Variants in ZNF680 observed in about 807,000 individuals in gnomAD.
ZNF680 encodes the protein hypothetical protein FLJ90430.
In ZNF680, 6 loss-of-function variants were observed where a neutral mutation model predicts 12.1. The observed-to-expected ratio is 0.49, with a 90% confidence interval of 0.27 to 0.98. The LOEUF (loss-of-function observed/expected upper bound fraction) is 0.98, where lower values mean the gene tolerates loss of function less well. Ranked by LOEUF, ZNF680 falls within the 50% of genes least tolerant of loss-of-function variation. ZNF680 has a pLI of 0.12. For synonymous variants in ZNF680, 170 were observed against 199.3 expected (o/e 0.85, Z 1.24); for missense variants, 561 against 616.3 (o/e 0.91, Z 0.95).
the ZNF680 span, among the ~76,000 whole-genome samples, chr7:64,513,259 ATG>A: frequency 2.0e-5 from 3 of 152,164 alleles, no homozygotes; most frequent in African/African-American, 2.4e-5. Flanking sequence ...AAGCAGTAAA[ATG>A]TGTTTTTAGT....
chr7:64,544,874 A>C (rs1786700125), intron 1 of ZNF680, among the ~76,000 whole-genome samples: 1 of 152,170 alleles, frequency 6.6e-6, no homozygotes, highest in South Asian at 2.1e-4. Flanking sequence ...TCTGGAATAA[A>C]GTTTGAATTT....
Position 64,521,063 on chromosome 7 carries a change from C to A in ZNF680, c.*98G>T. The A allele has an allele frequency of 1.5e-6, 2 of 1,296,030 alleles. No homozygotes were observed. Among genetic ancestry groups the A allele is most frequent in the Non-Finnish European group, 2.1e-6 (2 of 942,750 alleles). The allele number at this position is 1,296,030 out of a possible 1,614,324, so 80.3% of individuals were successfully genotyped here. A position where few individuals can be genotyped will look rare whatever the true frequency, so the allele number is the denominator to read the frequency against. On this transcript the variant is annotated 3_prime_UTR_variant, in exon 4 of 4. Coordinates refer to ENST00000309683, the MANE Select transcript of ZNF680 (RefSeq NM_178558.5). Reference sequence around the variant, plus strand: ...GTTTTCTCCAATATAAATTATCTTACCTACAAGCAAGTGTAACAATCATTG... The same window carrying A: ...GTTTTCTCCAATATAAATTATCTTAACTACAAGCAAGTGTAACAATCATTG...
chr7:64,524,907 A>G (rs1328815088), intron 3 of ZNF680: 2 of 150,946 alleles, frequency 1.3e-5, no homozygotes, highest in African/African-American at 4.9e-5. Context: ...AAATTAAAAC[A>G]ATACACTCTT....
chr7:64,519,213 G>A (rs547544408), downstream of ZNF680, among the ~76,000 whole-genome samples: 118 of 151,774 alleles, frequency 7.8e-4, 1 homozygote, highest in South Asian at 0.024. Context: ...GAAGATATAC[G>A]AATGGCCAAG....
intron 1 of ZNF680, among the ~76,000 whole-genome samples, 162 bp from the exon 2 acceptor site, chr7:64,544,594 A>G (rs969741460): frequency 1.4e-4 from 21 of 152,214 alleles, no homozygotes; most frequent in African/African-American, 4.8e-4. Flanking sequence ...AATAAATTTC[A>G]ATGCAGAAAT....
chr7:64,514,382 T>C, the ZNF680 span, among the ~76,000 whole-genome samples: 43 of 145,814 alleles, frequency 2.9e-4, no homozygotes, highest in Non-Finnish European at 5.5e-4. Context: ...AATAACCACA[T>C]TTCTTTGTCA....
Position 64,563,022 on chromosome 7 carries a change from T to C in ZNF680, c.-68A>G. The C allele has an allele frequency of 6.3e-7, 1 of 1,583,324 alleles. No homozygotes were observed. The highest frequency in any genetic ancestry group is 2.2e-5 in the East Asian group (1 of 44,488). On this transcript the variant is annotated 5_prime_UTR_variant, in exon 1 of 4. Transcript: ENST00000309683. ...AGAGGCTGGGCCTCTAGGAGCAGAA[T>C]ACACAGAGCAGTAAAGACTAGACCT... is the stretch of plus-strand genomic sequence containing the variant.
At chr7:64,501,096 C>A in the ZNF680 span, 2 of 954,592 alleles carry the variant, frequency 2.1e-6, no homozygotes, top group Non-Finnish European at 3.3e-6. Context: ...CAAAAGTGAA[C>A]GGAGGAAAAG....
chr7:64,500,037 C>T, the ZNF680 span, among the ~76,000 whole-genome samples: 2 of 152,196 alleles, frequency 1.3e-5, 1 homozygote, highest in African/African-American at 4.8e-5. Flanking sequence ...TAAACTCTCC[C>T]ACCCTGAATC....
At chr7:64,535,410 AGAAG>A (rs541571985) in intron 3 of ZNF680, among the ~76,000 whole-genome samples, 3 of 139,156 alleles carry the variant, frequency 2.2e-5, no homozygotes, top group Non-Finnish European at 4.7e-5. Context: ...AAAGAAGGAA[AGAAG>A]GAAGGGAGGG....
At position 64,544,043 on chromosome 7, in the gene ZNF680, A is replaced by G. The variant is rs577602661; in HGVS notation, c.158-241T>C. The stretch of plus-strand genomic sequence containing the variant: ...GCAATTAAATTTTAAGGTGTGGGCA[A>G]CAACATTTTATGCCATCAAATTTCT... On this transcript the variant is annotated intron_variant, in intron 2 of 3. Transcript: ENST00000309683. The G allele has an allele frequency of 2.7e-5, 16 of 601,412 alleles. No homozygotes were observed. In the East Asian group the frequency reaches 5.4e-4, roughly 20 times the overall value. 37.3% of individuals were successfully genotyped at this position (601,412 alleles called of 1,614,324 possible).
Position 64,521,034 on chromosome 7 carries a change from T to TA in ZNF680, c.*126dup, listed in dbSNP as rs1322103939. On this transcript the variant is annotated 3_prime_UTR_variant, in exon 4 of 4. Transcript: ENST00000309683. ...AGTTTTGTCACATTCTTTACACTTA[T>TA]AAAGTTTTCTCCAATATAAATTATC... 3.7e-6 allele frequency: 4 copies of TA among 1,070,012 alleles called. No individual in the cohort carries two copies. Among genetic ancestry groups the TA allele is most frequent in the Admixed American group, 5.3e-5 (2 of 37,464 alleles). The allele number at this position is 1,070,012 out of a possible 1,614,324, so 66.3% of individuals were successfully genotyped here.
In ZNF680 at chr7:64,520,343, G is replaced by A. The variant is rs1407797943; in HGVS notation, c.*818C>T. 2 of 151,674 alleles carry A rather than the reference G, an allele frequency of 1.3e-5. No homozygotes were observed. Among genetic ancestry groups the A allele is most frequent in the South Asian group, 4.2e-4 (2 of 4,816 alleles). The allele number at this position is 151,674 out of a possible 1,614,324, so 9.4% of individuals were successfully genotyped here. On this transcript the variant is annotated 3_prime_UTR_variant, in exon 4 of 4. Transcript: ENST00000309683. ...AGCCATAATTTTTTCAAGAAAAAAA[G>A]TATACTTTCAATGTAATTATAACTC...
chr7:64,526,960 G>A (rs1791883916), intron 3 of ZNF680, among the ~76,000 whole-genome samples: 1 of 152,214 alleles, frequency 6.6e-6, no homozygotes, highest in Non-Finnish European at 1.5e-5. Context: ...AAAATTGGCA[G>A]GGCAAGGTGG....
chr7:64,500,891 C>G, the ZNF680 span: 1 of 578,794 alleles, frequency 1.7e-6, no homozygotes, highest in African/African-American at 1.9e-5. Context: ...CACTGGAAAT[C>G]TCAACACTCT....
the ZNF680 span, chr7:64,500,855 C>A: frequency 2.0e-6 from 1 of 500,134 alleles, no homozygotes; most frequent in Non-Finnish European, 3.9e-6. Context: ...CAGAACAGAT[C>A]CTCGCTCCAT....
chr7:64,502,011 TTTTTTTTTC>T, the ZNF680 span, among the ~76,000 whole-genome samples: 24 of 103,678 alleles, frequency 2.3e-4, no homozygotes, highest in East Asian at 8.7e-4. Flanking sequence ...TTTTTTTTTT[TTTTTTTTTC>T]CTGAGATGGA....
rs534069066 is a variant in ZNF680, at chr7:64,562,231, CAA to C, written c.30+692_30+693del. 1.3e-3 allele frequency among the ~76,000 whole-genome samples: 118 copies of C among 92,536 alleles called. 1 individual carries two copies. The highest frequency in any genetic ancestry group is 1.3e-3 in the African/African-American group (29 of 21,992). The allele number at this position is 92,536 out of a possible 152,430, so 60.7% of individuals were successfully genotyped here. On this transcript the variant is annotated intron_variant, in intron 1 of 3. Transcript: ENST00000309683. ...TGGGCGACAGAGCGAGACTCCGTTT[CAA>C]AAAAAAAAAAAAAAAAATCTAACTC... is the stretch of plus-strand genomic sequence containing the variant.
At chr7:64,506,374 G>A in the ZNF680 span, among the ~76,000 whole-genome samples, 1 of 152,020 alleles carries the variant, frequency 6.6e-6, no homozygotes, top group African/African-American at 2.4e-5. Context: ...ATTTTTAGTA[G>A]AGACGGGGTT....
Sources: allele counts gnomAD v4.1 joint callset (sites outside exome capture counted in the v4.1 genomes callset), GRCh38; gene constraint gnomAD v4.1.1; transcripts MANE v1.5; gene names NCBI Gene and HGNC (gene_info 2026-07-23, HGNC 2026-07-21).